Variants in LAMA4 observed in about 807,000 individuals in gnomAD.
The protein encoded by LAMA4 is laminin subunit alpha-4.
LAMA4 carries 127 observed loss-of-function variants against 207.1 expected under a neutral mutation model. The ratio of observed to expected loss-of-function variants is 0.61; its 90% CI spans 0.53 to 0.71. The LOEUF is 0.71. Ranked by LOEUF, LAMA4 falls within the 30% of genes least tolerant of loss-of-function variation. The probability of loss-of-function intolerance (pLI) is 0.00; values close to 1 mark genes in which losing one functional copy is unlikely to be tolerated. For missense variants in LAMA4, 2,093 were observed against 2,246.5 expected (o/e 0.93, Z 1.38); for synonymous variants, 761 against 816.0 (o/e 0.93, Z 1.15).
At position 112,140,636 on chromosome 6, in the gene LAMA4, T is replaced by C. The variant is rs1779633100; in HGVS notation, c.2976+124A>G. The C allele has an allele frequency of 5.9e-6, 5 of 842,934 alleles. No homozygotes were observed. In the South Asian group the frequency reaches 7.3e-5, roughly 12 times the overall value. The allele number at this position is 842,934 out of a possible 1,614,324, so 52.2% of individuals were successfully genotyped here. On this transcript the variant is annotated intron_variant, in intron 22 of 38. Coordinates refer to ENST00000230538, the MANE Select transcript of LAMA4 (RefSeq NM_001105206.3). ...GTTTATAGATTCTGGTTCAGAATTC[T>C]ACTCCCCCATGAACTAAGCTCTTAA...
intron 3 of LAMA4, among the ~76,000 whole-genome samples, chr6:112,213,219 A>G (rs1784446008): frequency 6.6e-6 from 1 of 152,182 alleles, no homozygotes; most frequent in South Asian, 2.1e-4. Context: ...CTAATGACAA[A>G]GCACCCATTC....
rs782356268 is a variant in LAMA4, at chr6:112,154,912, A to C, written c.1995T>G (p.His665Gln). ...VSGIDTQIIY[H>Q]KDESENLLNQ... ...TGAGGAGGTTCTCACTTTCATCTTT[A>C]TGGTAAATGATTTGAGTATCAATCC... Residue 665 changes from histidine to glutamine, a missense_variant, in exon 16 of 39, where the codon CAT becomes CAG. Transcript: ENST00000230538. 3.1e-6 allele frequency: 5 copies of C among 1,613,378 alleles called. No individual in the cohort carries two copies. The African/African-American group carries it at 4.0e-5, about 13-fold the overall frequency.
At chr6:112,163,210 G>T (rs1781175709) in intron 13 of LAMA4, among the ~76,000 whole-genome samples, 5 of 152,028 alleles carry the variant, frequency 3.3e-5, no homozygotes, top group African/African-American at 1.2e-4. Flanking sequence ...GAACTCCTGG[G>T]TTCAAGCACT....
At position 112,117,901 on chromosome 6, in the gene LAMA4, G is replaced by A. The variant is rs191447048; in HGVS notation, c.4822-3C>T. ...CTAAAACTGTAGATGGAGTTAATCT[G>A]AGGGAAGAAGATATTTCTTAAAATC... is the stretch of plus-strand genomic sequence containing the variant. On this transcript the variant is annotated splice_region_variant and splice_polypyrimidine_tract_variant and intron_variant, in intron 34 of 38. Transcript: ENST00000230538. This position sits in a 1 kb window ranked among gnomAD's most constrained non-coding sequence, Gnocchi z 4.5. 466 of 1,612,568 alleles carry A rather than the reference G, an allele frequency of 2.9e-4. 1 individual carries two copies. The African/African-American group carries it at 4.5e-3, about 16-fold the overall frequency.
intron 35 of LAMA4, among the ~76,000 whole-genome samples, chr6:112,116,747 C>A (rs1778042634): frequency 6.6e-6 from 1 of 151,930 alleles, no homozygotes; most frequent in Admixed American, 6.6e-5. Flanking sequence ...AAATTTTTTC[C>A]TGTTATTAGT....
In LAMA4 at chr6:112,253,542, G is replaced by C. The variant is rs1787614375; in HGVS notation, c.195+414C>G. 5 of 542,394 alleles carry C rather than the reference G, an allele frequency of 9.2e-6. No individual in the cohort carries two copies. In the Admixed American group the frequency reaches 1.5e-4, roughly 17 times the overall value. The allele number at this position is 542,394 out of a possible 1,614,324, so 33.6% of individuals were successfully genotyped here. On this transcript the variant is annotated intron_variant, in intron 2 of 38. Transcript: ENST00000230538. The stretch of plus-strand genomic sequence containing the variant: ...TAATATGAGACAAAAAGATCCTGCA[G>C]TAGTGTTCCCACTGTCCTAACAGCA...
intron 17 of LAMA4, 90 bp downstream of exon 17, chr6:112,150,421 C>A (rs782133715): frequency 2.2e-6 from 1 of 462,548 alleles, no homozygotes; most frequent in Non-Finnish European, 3.8e-6. Context: ...AAATCATTGA[C>A]AAACAAAGAA....
chr6:112,139,075 TA>T, intron 24 of LAMA4, 44 bp downstream of exon 24: 1 of 1,576,934 alleles, frequency 6.3e-7, no homozygotes, highest in Non-Finnish European at 8.7e-7. Flanking sequence ...TAGCAGAAAG[TA>T]AAGGAAATAA....
At chr6:112,158,544 C>CCAAA (rs782549897) in intron 14 of LAMA4, among the ~76,000 whole-genome samples, 188 bp downstream of exon 14, 1 of 147,512 alleles carries the variant, frequency 6.8e-6, no homozygotes, top group Non-Finnish European at 1.5e-5. Flanking sequence ...GATGGAACAA[C>CCAAA]CAACCAACCA....
At chr6:112,156,855 G>T (rs1780745964) in intron 14 of LAMA4, among the ~76,000 whole-genome samples, 1 of 151,834 alleles carries the variant, frequency 6.6e-6, no homozygotes, top group Non-Finnish European at 1.5e-5. Context: ...TTCCCTCTCT[G>T]TTAACCAAGT....
intron 2 of LAMA4, among the ~76,000 whole-genome samples, chr6:112,242,701 T>C (rs1554187901): frequency 1.3e-5 from 2 of 152,186 alleles, no homozygotes; most frequent in Non-Finnish European, 1.5e-5. Context: ...ATTTAGACAC[T>C]AGTGCACACC....
At chr6:112,152,539 A>T (rs919447495) in intron 16 of LAMA4, among the ~76,000 whole-genome samples, 11 of 152,114 alleles carry the variant, frequency 7.2e-5, no homozygotes, top group Middle Eastern at 3.2e-3. Context: ...TTGTGCTTTA[A>T]TTCCAAAGCA....
intron 38 of LAMA4, among the ~76,000 whole-genome samples, chr6:112,112,843 T>C (rs782603134): frequency 1.3e-5 from 2 of 152,208 alleles, no homozygotes; most frequent in Admixed American, 6.5e-5. Flanking sequence ...CTTTAAAGCA[T>C]TGTCTGTCTT....
chr6:112,159,722 A>G (rs1554337900), intron 13 of LAMA4, among the ~76,000 whole-genome samples: 1 of 152,332 alleles, frequency 6.6e-6, no homozygotes, highest in East Asian at 1.9e-4. Context: ...CTTCTTCCAC[A>G]CTTCTGATGT....
In LAMA4 at chr6:112,120,484, A is replaced by G. The variant is rs1554325855; in HGVS notation, c.4476-12T>C. On this transcript the variant is annotated splice_polypyrimidine_tract_variant and intron_variant, in intron 32 of 38. Transcript: ENST00000230538. ...TGGAAAACTGAGATCTGGTAAATGA[A>G]AAGAAAGGGATTACCATATGTAAAA... 1.3e-6 allele frequency: 2 copies of G among 1,598,260 alleles called. No individual in the cohort carries two copies. The highest frequency in any genetic ancestry group is 8.6e-7 in the Non-Finnish European group (1 of 1,165,902).
chr6:112,196,940 C>T (rs553588042), intron 5 of LAMA4, among the ~76,000 whole-genome samples: 3 of 152,152 alleles, frequency 2.0e-5, no homozygotes, highest in Non-Finnish European at 4.4e-5. Context: ...GTCTGTCAAG[C>T]AGCTCATAGT....
chr6:112,176,955 T>C (rs1782058990), intron 10 of LAMA4, among the ~76,000 whole-genome samples: 1 of 152,200 alleles, frequency 6.6e-6, no homozygotes, highest in South Asian at 2.1e-4. Flanking sequence ...AATCAAAACA[T>C]GGGTTATAAT....
At chr6:112,182,519 A>G (rs1452390154) in intron 9 of LAMA4, among the ~76,000 whole-genome samples, 2 of 152,202 alleles carry the variant, frequency 1.3e-5, no homozygotes, top group African/African-American at 4.8e-5. Context: ...TTTTGGCAGG[A>G]CCAGAGATGA....
intron 2 of LAMA4, among the ~76,000 whole-genome samples, chr6:112,249,624 C>T (rs138890190): frequency 6.6e-6 from 1 of 152,120 alleles, no homozygotes; most frequent in East Asian, 1.9e-4. Flanking sequence ...CTCTGTGCCT[C>T]GGTTTCTATG....
Sources: allele counts gnomAD v4.1 joint callset (sites outside exome capture counted in the v4.1 genomes callset), GRCh38; gene constraint gnomAD v4.1.1; non-coding constraint Gnocchi (gnomAD v3.1); transcripts MANE v1.5; gene names NCBI Gene and HGNC (gene_info 2026-07-23, HGNC 2026-07-21).